The following NOTCH2 variants were observed in gnomAD, a reference collection of about 807,000 sequenced individuals.
The protein encoded by NOTCH2 is notch receptor 2.
Under a neutral mutation model 235.8 loss-of-function variants are expected in NOTCH2, and 29 were observed. That is an observed-to-expected ratio of 0.12 (90% CI 0.09 to 0.17). The LOEUF (loss-of-function observed/expected upper bound fraction) is 0.17, where lower values mean the gene tolerates loss of function less well. Ranked by LOEUF, NOTCH2 falls within the 10% of genes least tolerant of loss-of-function variation. The pLI is 1.00. For synonymous variants in NOTCH2, 1,086 were observed against 1,141.5 expected, an observed-to-expected ratio of 0.95 and a Z score of 0.98; for missense variants, 2,285 against 3,150.2, an observed-to-expected ratio of 0.73 and a Z score of 6.57.
intron 25 of NOTCH2, 34 bp from the exon 26 acceptor site, chr1:119,924,018 G>T: frequency 1.3e-6 from 2 of 1,535,440 alleles, no homozygotes; most frequent in Admixed American, 1.7e-5. Context: ...AGGCAAAAGA[G>T]CTCAGATTAG....
chr1:120,051,208 C>A, intron 1 of NOTCH2, among the ~76,000 whole-genome samples: 1 of 73,806 alleles, frequency 1.4e-5, no homozygotes, highest in Non-Finnish European at 2.2e-5. Flanking sequence ...AAAACAATTC[C>A]AAGGTCTATT....
intron 1 of NOTCH2, among the ~76,000 whole-genome samples, chr1:120,050,210 ACT>A (rs1168985626): frequency 1.1e-4 from 10 of 91,166 alleles, no homozygotes; most frequent in South Asian, 5.2e-4. Context: ...GAAAAAACAC[ACT>A]GTTTTTTATC....
chr1:119,927,113 G>C (rs940148060), intron 23 of NOTCH2, among the ~76,000 whole-genome samples: 5 of 152,070 alleles, frequency 3.3e-5, no homozygotes, highest in Admixed American at 1.3e-4. Flanking sequence ...AACCTAACTC[G>C]TATTCCTTAA....
At position 119,913,303 on chromosome 1, in the gene NOTCH2, A is replaced by G. The variant is rs1571143535; in HGVS notation, c.*2003T>C. On this transcript the variant is annotated 3_prime_UTR_variant, in exon 34 of 34. Transcript: ENST00000256646. ...AATAAATTTGGATAGGACTGAAAAAACCATTTGTAAACTATTATGCCAACA... is the reference window on the plus strand; with the variant it reads ...AATAAATTTGGATAGGACTGAAAAAGCCATTTGTAAACTATTATGCCAACA... 8.6e-6 allele frequency: 2 copies of G among 233,262 alleles called. No individual in the cohort carries two copies. Among genetic ancestry groups the G allele is most frequent in the Non-Finnish European group, 1.7e-5 (2 of 118,062 alleles). 14.4% of individuals were successfully genotyped at this position (233,262 alleles called of 1,614,324 possible). A position where few individuals can be genotyped will look rare whatever the true frequency, so the allele number is the denominator to read the frequency against.
At chr1:119,922,201 A>T (rs778613644) in intron 28 of NOTCH2, 35 bp downstream of exon 28, 22 of 1,593,904 alleles carry the variant, frequency 1.4e-5, no homozygotes, top group Non-Finnish European at 1.8e-5. Flanking sequence ...CCCTACTTAT[A>T]CTGTGAATAG....
At chr1:119,979,861 G>C (rs1377025865) in intron 5 of NOTCH2, among the ~76,000 whole-genome samples, 1 of 151,948 alleles carries the variant, frequency 6.6e-6, no homozygotes, top group Non-Finnish European at 1.5e-5. Context: ...CCTCATCTTC[G>C]AGAGAAAGAA....
chr1:119,919,698 T>A, intron 30 of NOTCH2, 85 bp from the exon 31 acceptor site: 1 of 1,340,860 alleles, frequency 7.5e-7, no homozygotes, highest in South Asian at 1.2e-5. Flanking sequence ...TTGACTAAAG[T>A]TATTCTTAGG....
In NOTCH2 at chr1:119,926,538, G is replaced by A. The variant is rs2101164864; in HGVS notation, c.3966C>T (p.Ala1322=). The change falls in exon 24 of 34, where the codon GCC becomes GCT. Residue 1322 remains alanine (A), a synonymous_variant. Transcript: ENST00000256646. ...PCLNGGTCAV[A]SNMPDGFICR... is the part of the protein sequence containing the mutation. ...AAATGAAACCATCAGGCATGTTACT[G>A]GCCACAGCACAAGTCCCTCCATTCA... The A allele has an allele frequency of 1.2e-6, 2 of 1,607,790 alleles. No homozygotes were observed. The highest frequency in any genetic ancestry group is 1.7e-6 in the Non-Finnish European group (2 of 1,176,598).
intron 3 of NOTCH2, among the ~76,000 whole-genome samples, chr1:120,004,974 G>A (rs1232146883): frequency 6.6e-6 from 1 of 152,158 alleles, no homozygotes; most frequent in Non-Finnish European, 1.5e-5. Flanking sequence ...TTTTTGTAGA[G>A]ATGGGGTCTT....
At position 119,972,923 on chromosome 1, in the gene NOTCH2, G is replaced by A. The variant is rs587612564; in HGVS notation, c.875-3179C>T. Among the ~76,000 whole-genome samples, 4 of 152,298 alleles carry A rather than the reference G, an allele frequency of 2.6e-5. No individual in the cohort carries two copies. The South Asian group carries it at 8.3e-4, about 32-fold the overall frequency. On this transcript the variant is annotated intron_variant, in intron 5 of 33. Coordinates refer to ENST00000256646, the MANE Select transcript of NOTCH2 (RefSeq NM_024408.4). ...TGGGGAAGTGGACAGGATGGAGGAG[G>A]TGAGGACTCAAATCATGACTCAAAC...
At chr1:120,063,793 C>T (rs1184982782) in intron 1 of NOTCH2, among the ~76,000 whole-genome samples, 13 of 152,208 alleles carry the variant, frequency 8.5e-5, no homozygotes, top group African/African-American at 3.1e-4. Context: ...CACAAATTCC[C>T]AGATGACACT....
rs2101161834 is a variant in NOTCH2, at chr1:119,925,405, G to C, written c.4411C>G (p.Pro1471Ala). 1 of 1,614,206 alleles carries C rather than the reference G, an allele frequency of 6.2e-7. No individual in the cohort carries two copies. Among genetic ancestry groups the C allele is most frequent in the East Asian group, 2.2e-5 (1 of 44,888 alleles). ...TGGTTGTTGATATAATCCCAGCAGG[G>C]AAGTGGGGAGGAGCAGTTGGCCCAG... The part of the protein sequence containing the change: ...NPWANCSSPL[P>A]CWDYINNQCD... Residue 1471 changes from proline to alanine, a missense_variant, in exon 25 of 34, where the codon CCC becomes GCC. Around this residue, in one of 6 missense-constraint regions of NOTCH2, gnomAD observed 1,173 missense variants for 1,515.3 expected, o/e 0.77. Transcript: ENST00000256646.
At chr1:120,039,259 T>C (rs1328237990) in intron 1 of NOTCH2, among the ~76,000 whole-genome samples, 3 of 152,236 alleles carry the variant, frequency 2.0e-5, no homozygotes, top group Non-Finnish European at 4.4e-5. Flanking sequence ...TGCTTAGTGG[T>C]CAAAGAAAGT....
chr1:119,946,867 C>T (rs1217342272), intron 17 of NOTCH2, among the ~76,000 whole-genome samples: 2 of 151,998 alleles, frequency 1.3e-5, no homozygotes, highest in Non-Finnish European at 2.9e-5. Flanking sequence ...AATTAAAAGG[C>T]ATAAGGGTTA....
intron 1 of NOTCH2, among the ~76,000 whole-genome samples, chr1:120,039,503 G>T (rs1207303159): frequency 6.6e-6 from 1 of 150,556 alleles, no homozygotes; most frequent in Non-Finnish European, 1.5e-5. Context: ...CCTCCTCCTG[G>T]GTTCACGCCA....
chr1:119,929,316 A>T (rs1649576306), intron 22 of NOTCH2, 104 bp from the exon 23 acceptor site: 1 of 900,012 alleles, frequency 1.1e-6, no homozygotes, highest in South Asian at 1.4e-5. Flanking sequence ...ATCAGAGTAT[A>T]CTCCTCAACT....
intron 4 of NOTCH2, among the ~76,000 whole-genome samples, chr1:119,988,913 A>G (rs1652122118): frequency 6.6e-6 from 1 of 152,222 alleles, no homozygotes; most frequent in African/African-American, 2.4e-5. Context: ...GTTACAACTA[A>G]CTGAATTCAC....
intron 12 of NOTCH2, among the ~76,000 whole-genome samples, chr1:119,958,484 C>T (rs1399385930): frequency 5.9e-5 from 9 of 152,178 alleles, no homozygotes; most frequent in Non-Finnish European, 2.9e-5. Flanking sequence ...TTCTCACATT[C>T]GAGTACAAAC....
At chr1:119,918,641 A>G (rs975253381) in intron 31 of NOTCH2, 88 bp from the exon 32 acceptor site, 1 of 1,354,238 alleles carries the variant, frequency 7.4e-7, no homozygotes, top group Admixed American at 1.8e-5. Flanking sequence ...ATCAGAGCTG[A>G]GGCTACAGTG....
Sources: allele counts gnomAD v4.1 joint callset (sites outside exome capture counted in the v4.1 genomes callset), GRCh38; gene constraint gnomAD v4.1.1; regional missense constraint gnomAD v4.1.1; transcripts MANE v1.5; gene names NCBI Gene and HGNC (gene_info 2026-07-23, HGNC 2026-07-21).